ASIC2: variants seen among roughly 807,000 people sequenced by gnomAD.
The protein encoded by ASIC2 is acid sensing ion channel subunit 2.
Under a neutral mutation model 57.3 loss-of-function variants are expected in ASIC2, and 25 were observed. The observed-to-expected ratio is 0.44, with a 90% CI of 0.32 to 0.61. The LOEUF is 0.61. ASIC2 is among the 20% of genes least tolerant of loss of function. ASIC2 has a pLI of 0.06. For synonymous variants in ASIC2, 319 were observed against 307.5 expected (o/e 1.04, Z -0.39); for missense variants, 641 against 738.1 (o/e 0.87, Z 1.52).
At chr17:33,747,884 C>T (rs1211510378) in intron 1 of ASIC2, among the ~76,000 whole-genome samples, 1 of 152,224 alleles carries the variant, frequency 6.6e-6, no homozygotes, top group Non-Finnish European at 1.5e-5. Context: ...CCCCTGACAT[C>T]ATCCCCGCAT....
At chr17:33,545,066 T>C (rs1915537280) in intron 1 of ASIC2, among the ~76,000 whole-genome samples, 1 of 152,228 alleles carries the variant, frequency 6.6e-6, no homozygotes, top group South Asian at 2.1e-4. Flanking sequence ...CACCAGAAGT[T>C]AAGTAGCTTC....
At chr17:33,827,164 A>C (rs2141897536) in intron 1 of ASIC2, among the ~76,000 whole-genome samples, 1 of 152,214 alleles carries the variant, frequency 6.6e-6, no homozygotes, top group Admixed American at 6.5e-5. Context: ...AAATGGGAAT[A>C]AAATACAATC....
At chr17:33,281,550 T>C (rs1186203120) in intron 1 of ASIC2, among the ~76,000 whole-genome samples, 1 of 152,148 alleles carries the variant, frequency 6.6e-6, no homozygotes, top group Non-Finnish European at 1.5e-5. Context: ...TTTTAAGTTT[T>C]GAAACAGCCC....
At chr17:33,237,519 T>C (rs909223602) in intron 1 of ASIC2, among the ~76,000 whole-genome samples, 2 of 152,076 alleles carry the variant, frequency 1.3e-5, no homozygotes, top group African/African-American at 4.8e-5. Context: ...CTCAGGTGAT[T>C]TTGTGTTTTT....
chr17:33,871,875 C>A (rs763185446), intron 1 of ASIC2, among the ~76,000 whole-genome samples: 1 of 152,288 alleles, frequency 6.6e-6, no homozygotes, highest in East Asian at 1.9e-4. Flanking sequence ...CAGCTGTACA[C>A]ACCTCTGGGT....
chr17:33,786,465 T>G (rs1297427562), intron 1 of ASIC2, among the ~76,000 whole-genome samples: 9 of 152,146 alleles, frequency 5.9e-5, no homozygotes, highest in Admixed American at 5.9e-4. Context: ...ATTTTGCCCT[T>G]AAAAACTTAC....
chr17:33,321,233 C>T (rs778669733), intron 1 of ASIC2, among the ~76,000 whole-genome samples: 14 of 152,100 alleles, frequency 9.2e-5, no homozygotes, highest in Admixed American at 2.6e-4. Context: ...ATTATTTCCT[C>T]GAGCCTAAGT....
At chr17:33,313,152 T>C (rs1458458125) in intron 1 of ASIC2, among the ~76,000 whole-genome samples, 1 of 151,668 alleles carries the variant, frequency 6.6e-6, no homozygotes, top group African/African-American at 2.4e-5. Flanking sequence ...AGCCCCCATC[T>C]CAACAAAATT....
chr17:33,995,382 ATCCTTTACCCACCTCT>A lies in ASIC2; in HGVS notation c.555+160580_555+160595del, dbSNP rs528048162. On this transcript the variant is annotated intron_variant, in intron 1 of 9. Transcript: ENST00000359872. Reference sequence around the variant, plus strand: ...GGCAGAAGGAGAGTCTCCCCTGTCCATCCTTTACCCACCTCTTCTACCTCATCTCCTCCTCACTCTC... The same window carrying A: ...GGCAGAAGGAGAGTCTCCCCTGTCCATCTACCTCATCTCCTCCTCACTCTC... 3.4e-4 allele frequency among the ~76,000 whole-genome samples: 52 copies of A among 152,188 alleles called. 1 individual carries two copies. Among genetic ancestry groups the A allele is most frequent in the African/African-American group, 1.2e-3 (50 of 41,548 alleles).
intron 1 of ASIC2, among the ~76,000 whole-genome samples, chr17:33,504,194 C>G (rs193000740): frequency 2.4e-4 from 36 of 152,354 alleles, no homozygotes; most frequent in African/African-American, 7.9e-4. Context: ...TTCATCACCT[C>G]TTTCTTCTCT....
chr17:33,638,561 T>C (rs1055383050), intron 1 of ASIC2, among the ~76,000 whole-genome samples: 1 of 150,290 alleles, frequency 6.7e-6, no homozygotes, highest in South Asian at 2.1e-4. Flanking sequence ...CTGCCTAGTT[T>C]GTACACACAC....
chr17:34,038,984 C>T, intron 1 of ASIC2: 1 of 1,614,148 alleles, frequency 6.2e-7, no homozygotes, highest in Non-Finnish European at 8.5e-7. Flanking sequence ...GTAAAGTAGC[C>T]CAGTCTCAAG....
At chr17:33,137,582 G>T (rs954577227) in intron 1 of ASIC2, among the ~76,000 whole-genome samples, 2 of 152,216 alleles carry the variant, frequency 1.3e-5, no homozygotes, top group African/African-American at 4.8e-5. Context: ...CAGGGTTGGG[G>T]AGGAAGCTGG....
chr17:33,993,814 ACT>A (rs2142011288), intron 1 of ASIC2, among the ~76,000 whole-genome samples: 1 of 152,208 alleles, frequency 6.6e-6, no homozygotes, highest in African/African-American at 2.4e-5. Flanking sequence ...TCTGATCCTC[ACT>A]TTCTTCCTCA....
At chr17:33,712,231 G>A (rs1036086952) in intron 1 of ASIC2, among the ~76,000 whole-genome samples, 3 of 152,150 alleles carry the variant, frequency 2.0e-5, no homozygotes, top group African/African-American at 7.2e-5. Flanking sequence ...TTCTGTGCAG[G>A]CAATGGGAAT....
chr17:34,006,842 T>C (rs752660092), intron 1 of ASIC2: 8 of 152,176 alleles, frequency 5.3e-5, no homozygotes, highest in Non-Finnish European at 1.2e-4. Context: ...GGTGGGTTTT[T>C]TTTCTTTAGT....
chr17:33,746,327 T>C (rs1448174011), intron 1 of ASIC2, among the ~76,000 whole-genome samples: 1 of 149,458 alleles, frequency 6.7e-6, no homozygotes, highest in Non-Finnish European at 1.5e-5. Flanking sequence ...CATATATACA[T>C]ATATGTATAT....
chr17:33,368,036 C>T (rs1157109313), intron 1 of ASIC2, among the ~76,000 whole-genome samples: 1 of 152,124 alleles, frequency 6.6e-6, no homozygotes, highest in African/African-American at 2.4e-5. Flanking sequence ...AAAATGGACT[C>T]ATGGATATGT....
chr17:33,946,639 T>G (rs1904383257), intron 1 of ASIC2, among the ~76,000 whole-genome samples: 1 of 152,190 alleles, frequency 6.6e-6, no homozygotes, highest in Admixed American at 6.5e-5. Flanking sequence ...TCACTGCAGC[T>G]GGCAAGAGAG....
Sources: gnomAD v4.1 joint callset for allele counts (sites outside exome capture counted in the v4.1 genomes callset) on GRCh38, gnomAD v4.1.1 for gene constraint, MANE v1.5 for transcripts, NCBI Gene and HGNC (gene_info 2026-07-23, HGNC 2026-07-21) for gene names.